Variants in ZNF385D observed in about 807,000 individuals in gnomAD.
ZNF385D encodes zinc finger protein 385D, also known as zinc finger protein 659.
ZNF385D carries 15 observed loss-of-function variants against 35.8 expected under a neutral mutation model. The observed-to-expected ratio is 0.42, with a 90% CI of 0.28 to 0.64. ZNF385D has a LOEUF of 0.64. Among genes scored for constraint, ZNF385D ranks in the 30% least tolerant of loss-of-function variants. The pLI, the probability that ZNF385D is intolerant of heterozygous loss-of-function variation, is 0.23. For missense variants in ZNF385D, 474 were observed against 494.6 expected (o/e 0.96, Z 0.39); for synonymous variants, 212 against 186.8 (o/e 1.13, Z -1.10).
intron 3 of ZNF385D, among the ~76,000 whole-genome samples, chr3:21,856,974 C>A (rs1399610356): frequency 6.6e-6 from 1 of 152,042 alleles, no homozygotes; most frequent in African/African-American, 2.4e-5. Context: ...AATAGGTAAC[C>A]TTCTCATGTT....
intron 2 of ZNF385D, among the ~76,000 whole-genome samples, chr3:21,634,020 AC>A (rs2065353950): frequency 6.6e-6 from 1 of 151,528 alleles, no homozygotes; most frequent in Non-Finnish European, 1.5e-5. Context: ...GCATAACAAG[AC>A]CCCCATCTCT....
At chr3:21,997,379 T>C (rs886208744) in intron 3 of ZNF385D, among the ~76,000 whole-genome samples, 1 of 151,998 alleles carries the variant, frequency 6.6e-6, no homozygotes, top group East Asian at 1.9e-4. Context: ...GGGATAGCAT[T>C]AGGAGATATA....
chr3:22,159,228 C>G (rs1316628529), intron 3 of ZNF385D, among the ~76,000 whole-genome samples: 1 of 152,016 alleles, frequency 6.6e-6, no homozygotes, highest in Non-Finnish European at 1.5e-5. Flanking sequence ...CACTCACTCC[C>G]ACGCACATAC....
rs374797160 is a variant in ZNF385D, at chr3:21,480,022, T to C, written c.439+30839A>G. ...ACTTTACATTAGTATCATTTCCCCA[T>C]ATTAAAACAGTCATATACAGAGATG... is the stretch of plus-strand genomic sequence containing the variant. On this transcript the variant is annotated intron_variant, in intron 4 of 7. Coordinates refer to ENST00000281523, the MANE Select transcript of ZNF385D (RefSeq NM_024697.3). 7.9e-5 allele frequency among the ~76,000 whole-genome samples: 12 copies of C among 152,076 alleles called. No homozygotes were observed. In the East Asian group the frequency reaches 1.2e-3, roughly 15 times the overall value.
At chr3:22,096,727 T>C (rs1701655016) in intron 3 of ZNF385D, among the ~76,000 whole-genome samples, 1 of 152,074 alleles carries the variant, frequency 6.6e-6, no homozygotes, top group Non-Finnish European at 1.5e-5. Flanking sequence ...CCCCACGCTG[T>C]TCTATGTGTC....
chr3:21,838,953 C>T (rs184455822), intron 3 of ZNF385D, among the ~76,000 whole-genome samples: 7 of 152,058 alleles, frequency 4.6e-5, no homozygotes, highest in East Asian at 3.9e-4. Flanking sequence ...TTTTTTCTGT[C>T]GATGCTTACA....
chr3:22,334,780 A>G (rs1161219500), intron 2 of ZNF385D, among the ~76,000 whole-genome samples: 1 of 152,160 alleles, frequency 6.6e-6, no homozygotes, highest in Non-Finnish European at 1.5e-5. Flanking sequence ...GCATCCATGA[A>G]TAAGCTTTTC....
intron 3 of ZNF385D, among the ~76,000 whole-genome samples, chr3:21,948,519 T>TA (rs1376326462): frequency 6.6e-6 from 1 of 152,130 alleles, no homozygotes; most frequent in Non-Finnish European, 1.5e-5. Flanking sequence ...TATAGTCACA[T>TA]AACTACCCCG....
In ZNF385D at chr3:22,019,935, T is replaced by G. The variant is rs954373508; in HGVS notation, c.325+148882A>C. On this transcript the variant is annotated intron_variant, in intron 3 of 5. Coordinates refer to the ZNF385D transcript ENST00000494108. ...ATTTAAAGTCTTTTTATGAATTTTCTATGTCCCAAATGCTGTGGTAGATAA... is the reference window on the plus strand; with the variant it reads ...ATTTAAAGTCTTTTTATGAATTTTCGATGTCCCAAATGCTGTGGTAGATAA... Among the ~76,000 whole-genome samples, 3 of 151,924 alleles carry G rather than the reference T, an allele frequency of 2.0e-5. No homozygotes were observed. The East Asian group carries it at 5.8e-4, about 29-fold the overall frequency.
At chr3:21,940,580 C>T (rs1701469115) in intron 3 of ZNF385D, among the ~76,000 whole-genome samples, 1 of 152,148 alleles carries the variant, frequency 6.6e-6, no homozygotes, top group East Asian at 1.9e-4. Flanking sequence ...CAAAACAGAA[C>T]AAACCTAGTC....
chr3:22,228,443 A>C (rs1346903326), intron 2 of ZNF385D, among the ~76,000 whole-genome samples: 1 of 152,144 alleles, frequency 6.6e-6, no homozygotes, highest in East Asian at 1.9e-4. Context: ...TTCCATGTGG[A>C]AGATCAGTCA....
At chr3:21,566,131 A>C (rs1271476216) in intron 2 of ZNF385D, among the ~76,000 whole-genome samples, 1 of 152,202 alleles carries the variant, frequency 6.6e-6, no homozygotes, top group Non-Finnish European at 1.5e-5. Flanking sequence ...GTTAGCATTT[A>C]TTATAATGCT....
chr3:21,757,134 T>TTTTTTTTTTTTTTTTTTTTTTTG (rs1553654008), intron 3 of ZNF385D, among the ~76,000 whole-genome samples: 5 of 128,232 alleles, frequency 3.9e-5, no homozygotes, highest in African/African-American at 1.5e-4. Flanking sequence ...TTTTTTTTTT[T>TTTTTTTTTTTTTTTTTTTTTTTG]TTTTTGTTTT....
intron 3 of ZNF385D, among the ~76,000 whole-genome samples, chr3:22,080,815 C>G (rs1406673198): frequency 6.6e-6 from 1 of 151,892 alleles, no homozygotes; most frequent in Non-Finnish European, 1.5e-5. Context: ...ATAAATGGGA[C>G]CCCAGAGAAC....
At chr3:21,627,174 G>A (rs560269542) in intron 2 of ZNF385D, among the ~76,000 whole-genome samples, 1 of 151,016 alleles carries the variant, frequency 6.6e-6, no homozygotes, top group South Asian at 2.1e-4. Context: ...TATTTGCTAG[G>A]CTATTTGTTT....
chr3:22,168,763 A>C, intron 3 of ZNF385D: 2 of 960,820 alleles, frequency 2.1e-6, no homozygotes, highest in Non-Finnish European at 2.5e-6. Flanking sequence ...GCAGGTACAC[A>C]AATAACTTAA....
chr3:22,363,527 C>G (rs1696513317), intron 2 of ZNF385D, among the ~76,000 whole-genome samples: 1 of 152,146 alleles, frequency 6.6e-6, no homozygotes, highest in Non-Finnish European at 1.5e-5. Flanking sequence ...ATGTTGTTCA[C>G]AGGGCCATTC....
intron 3 of ZNF385D, among the ~76,000 whole-genome samples, chr3:21,550,437 GACAC>G (rs1460434294): frequency 2.6e-5 from 4 of 152,122 alleles, no homozygotes; most frequent in African/African-American, 9.7e-5. Flanking sequence ...ATTAAATTCA[GACAC>G]ACAGCTTAGT....
intron 2 of ZNF385D, among the ~76,000 whole-genome samples, chr3:21,586,021 TATTATAAATACA>T (rs1559433581): frequency 1.5e-5 from 2 of 131,468 alleles, no homozygotes; most frequent in African/African-American, 5.5e-5. Context: ...TAAATAAATA[TATTATAAATACA>T]AATACATACA....
Sources: gnomAD v4.1 joint callset for allele counts (sites outside exome capture counted in the v4.1 genomes callset) on GRCh38, gnomAD v4.1.1 for gene constraint, MANE v1.5 for transcripts, NCBI Gene and HGNC (gene_info 2026-07-23, HGNC 2026-07-21) for gene names.